Variants in SETBP1 observed in about 807,000 individuals in gnomAD.
The protein encoded by SETBP1 is SET-binding protein.
In SETBP1, 9 loss-of-function variants were observed where a neutral mutation model predicts 101.0. The observed-to-expected ratio is 0.09, with a 90% confidence interval of 0.05 to 0.16. The LOEUF is 0.16. Ranked by LOEUF, SETBP1 falls within the 10% of genes least tolerant of loss-of-function variation. The pLI is 1.00. For missense variants in SETBP1, 1,858 were observed against 2,033.8 expected (o/e 0.91, Z 1.66); for synonymous variants, 818 against 788.5 (o/e 1.04, Z -0.63).
intron 4 of SETBP1, among the ~76,000 whole-genome samples, chr18:44,984,463 G>T (rs1384176900): frequency 6.6e-6 from 1 of 152,166 alleles, no homozygotes; most frequent in Non-Finnish European, 1.5e-5. Flanking sequence ...TGATCTGACA[G>T]GAGGCGGAGC....
At chr18:44,718,388 A>G (rs916903824) in intron 2 of SETBP1, among the ~76,000 whole-genome samples, 1 of 152,186 alleles carries the variant, frequency 6.6e-6, no homozygotes, top group African/African-American at 2.4e-5. Flanking sequence ...GAGCTGTGAG[A>G]GCAGGAGGAG....
At chr18:44,733,779 T>C (rs1218107557) in intron 2 of SETBP1, among the ~76,000 whole-genome samples, 1 of 152,224 alleles carries the variant, frequency 6.6e-6, no homozygotes, top group African/African-American at 2.4e-5. Context: ...ATCAGCTTTT[T>C]TGGGGAGTGG....
At chr18:45,048,896 C>A (rs559154254) in intron 5 of SETBP1, among the ~76,000 whole-genome samples, 3 of 142,666 alleles carry the variant, frequency 2.1e-5, no homozygotes, top group Non-Finnish European at 3.0e-5. Flanking sequence ...GGCGTGAACC[C>A]GGGAAGCGGA....
At chr18:44,811,386 T>C (rs374946248) in intron 2 of SETBP1, among the ~76,000 whole-genome samples, 6 of 152,244 alleles carry the variant, frequency 3.9e-5, no homozygotes, top group Non-Finnish European at 8.8e-5. Context: ...TTGTCATGTG[T>C]GTCTCTTCCA....
intron 4 of SETBP1, among the ~76,000 whole-genome samples, chr18:45,000,848 C>T (rs1172628095): frequency 6.6e-6 from 1 of 150,694 alleles, no homozygotes; most frequent in East Asian, 2.0e-4. Context: ...CTGTACTAGA[C>T]AGAGTGCATG....
At chr18:44,725,111 A>G (rs903239216) in intron 2 of SETBP1, among the ~76,000 whole-genome samples, 2 of 152,170 alleles carry the variant, frequency 1.3e-5, no homozygotes, top group African/African-American at 4.8e-5. Context: ...TAGAGTTACC[A>G]TCAGATAAAT....
At chr18:45,040,519 TG>T (rs1351448632) in intron 5 of SETBP1, among the ~76,000 whole-genome samples, 1 of 152,216 alleles carries the variant, frequency 6.6e-6, no homozygotes, top group Non-Finnish European at 1.5e-5. Flanking sequence ...CCTCTCTTTA[TG>T]GATTGAGAAA....
intron 2 of SETBP1, among the ~76,000 whole-genome samples, chr18:44,744,921 T>C (rs186295664): frequency 1.6e-4 from 24 of 152,238 alleles, no homozygotes; most frequent in African/African-American, 5.8e-4. Context: ...GATGTCGGAT[T>C]GATTTCGGGG....
At chr18:44,903,993 A>G (rs1038671816) in intron 3 of SETBP1, among the ~76,000 whole-genome samples, 8 of 152,194 alleles carry the variant, frequency 5.3e-5, no homozygotes, top group African/African-American at 1.7e-4. Flanking sequence ...CAGGAGCTAC[A>G]TCTTCTAGTT....
intron 4 of SETBP1, among the ~76,000 whole-genome samples, chr18:44,954,329 T>C (rs1242997567): frequency 2.8e-5 from 2 of 71,608 alleles, no homozygotes; most frequent in Non-Finnish European, 5.4e-5. Flanking sequence ...TTGCAGAAGC[T>C]AAAAAAAAAA....
At chr18:44,905,510 A>G (rs1283812880) in intron 3 of SETBP1, among the ~76,000 whole-genome samples, 1 of 152,194 alleles carries the variant, frequency 6.6e-6, no homozygotes, top group African/African-American at 2.4e-5. Context: ...TAGTAAATTA[A>G]TTACCAGTAC....
chr18:44,996,218 G>T (rs1034865835), intron 4 of SETBP1, among the ~76,000 whole-genome samples: 2 of 152,174 alleles, frequency 1.3e-5, no homozygotes, highest in African/African-American at 4.8e-5. Flanking sequence ...AATGAAGTCT[G>T]ATAGCCAGGA....
In SETBP1 at chr18:44,989,890, AAAAAAAAAAAAAAAAAAT is replaced by A. The variant is rs1419310785; in HGVS notation, c.4000+36551_4000+36568del. Among the ~76,000 whole-genome samples the A allele has an allele frequency of 2.9e-4, 36 of 125,500 alleles. 1 individual carries two copies. Among genetic ancestry groups the A allele is most frequent in the African/African-American group, 5.7e-4 (13 of 22,734 alleles). The allele number at this position is 125,500 out of a possible 152,430, so 82.3% of individuals were successfully genotyped here. A position where few individuals can be genotyped will look rare whatever the true frequency, so the allele number is the denominator to read the frequency against. On this transcript the variant is annotated intron_variant, in intron 4 of 5. Coordinates refer to ENST00000649279, the MANE Select transcript of SETBP1 (RefSeq NM_015559.3). Reference sequence around the variant, plus strand: ...TCTCAAAAAAAAAAAAAAAAAAAAAAAAAAAAAAAAAAAAAAATTTATCTAAGTGGACACACTGTAATC... The same window carrying A: ...TCTCAAAAAAAAAAAAAAAAAAAAAATTATCTAAGTGGACACACTGTAATC...
chr18:44,736,594 C>A (rs1458522732), intron 2 of SETBP1, among the ~76,000 whole-genome samples: 1 of 152,090 alleles, frequency 6.6e-6, no homozygotes, highest in African/African-American at 2.4e-5. Context: ...TAGATTCTAT[C>A]CTACTTCACT....
At chr18:44,817,029 C>T (rs149149900) in intron 2 of SETBP1, among the ~76,000 whole-genome samples, 5 of 152,202 alleles carry the variant, frequency 3.3e-5, no homozygotes, top group Non-Finnish European at 5.9e-5. Flanking sequence ...ACTGAGGGAT[C>T]TCCAAGCTGG....
rs1389729285 is a variant in SETBP1 at position 44,894,970 on chromosome 18, A to AT, written c.540+25687_540+25688insT. ...TCTGCAAAACTTAAAAAAAAAAAAA[A>AT]GTAGCCAGTCACATGTGCCTGTAGT... On this transcript the variant is annotated intron_variant, in intron 3 of 5. Coordinates refer to ENST00000649279, the MANE Select transcript of SETBP1 (RefSeq NM_015559.3). Among the ~76,000 whole-genome samples the AT allele has an allele frequency of 2.7e-5, 4 of 146,644 alleles. No homozygotes were observed. The Admixed American group carries it at 2.7e-4, about 10-fold the overall frequency.
intron 4 of SETBP1, 108 bp downstream of exon 4, chr18:44,953,448 G>A: frequency 1.0e-6 from 1 of 986,196 alleles, no homozygotes; most frequent in East Asian, 2.6e-5. Flanking sequence ...CAAAGAGGTG[G>A]GAATCAAATT....
intron 2 of SETBP1, among the ~76,000 whole-genome samples, chr18:44,777,685 G>A (rs2071034255): frequency 6.6e-6 from 1 of 152,210 alleles, no homozygotes; most frequent in Non-Finnish European, 1.5e-5. Context: ...AAGCAGGGAT[G>A]CATGTTGCTC....
rs183515719 is a variant in SETBP1 at position 44,701,233 on chromosome 18, C to T, written c.-114C>T. The T allele has an allele frequency of 1.7e-5, 21 of 1,219,156 alleles. No individual in the cohort carries two copies. The African/African-American group carries it at 2.9e-4, about 17-fold the overall frequency. The allele number at this position is 1,219,156 out of a possible 1,614,324, so 75.5% of individuals were successfully genotyped here. A position where few individuals can be genotyped will look rare whatever the true frequency, so the allele number is the denominator to read the frequency against. On this transcript the variant is annotated 5_prime_UTR_variant, in exon 2 of 6. Coordinates refer to ENST00000649279, the MANE Select transcript of SETBP1 (RefSeq NM_015559.3). The stretch of plus-strand genomic sequence containing the variant: ...TGTCTCCATCCCTGGGAATCTGACC[C>T]TAGCAACTGGACCACTTTGTTCTTG...
Sources: allele counts gnomAD v4.1 joint callset (sites outside exome capture counted in the v4.1 genomes callset), GRCh38; gene constraint gnomAD v4.1.1; transcripts MANE v1.5; gene names NCBI Gene and HGNC (gene_info 2026-07-23, HGNC 2026-07-21).